The following NRG1 variants were observed in gnomAD, a reference collection of about 807,000 sequenced individuals.
The protein encoded by NRG1 is pro-neuregulin-1, membrane-bound isoform.
NRG1 carries 18 observed loss-of-function variants against 63.8 expected under a neutral mutation model. That is an observed-to-expected ratio of 0.28 (90% CI 0.19 to 0.42). The LOEUF is 0.42. Ranked by LOEUF, NRG1 falls within the 10% of genes least tolerant of loss-of-function variation. The pLI is 1.00. For missense variants in NRG1, 762 were observed against 814.7 expected (o/e 0.94, Z 0.79); for synonymous variants, 302 against 301.3 (o/e 1.00, Z -0.02).
chr8:31,909,887 A>G (rs1832800504), intron 1 of NRG1, among the ~76,000 whole-genome samples: 1 of 152,100 alleles, frequency 6.6e-6, no homozygotes, highest in South Asian at 2.1e-4. Flanking sequence ...TCATCCCTTA[A>G]CGAACCTAAT....
chr8:31,852,392 C>A (rs574885383), intron 1 of NRG1, among the ~76,000 whole-genome samples: 13 of 152,146 alleles, frequency 8.5e-5, no homozygotes, highest in South Asian at 4.2e-4. Flanking sequence ...TGTTTTTTGG[C>A]TGCATAAATG....
chr8:32,205,987 T>C (rs1844022611), intron 1 of NRG1, among the ~76,000 whole-genome samples: 1 of 151,748 alleles, frequency 6.6e-6, no homozygotes, highest in Non-Finnish European at 1.5e-5. Flanking sequence ...GGATGTCTGT[T>C]GTCCAGCTAG....
intron 1 of NRG1, among the ~76,000 whole-genome samples, chr8:32,268,113 A>C (rs1851174513): frequency 6.6e-6 from 1 of 152,176 alleles, no homozygotes; most frequent in Non-Finnish European, 1.5e-5. Flanking sequence ...GGGGAACCCC[A>C]CATGGCAGCC....
chr8:32,013,895 A>T (rs1212530311), intron 1 of NRG1, among the ~76,000 whole-genome samples: 1 of 152,150 alleles, frequency 6.6e-6, no homozygotes, highest in Non-Finnish European at 1.5e-5. Context: ...TGAGAAAGAC[A>T]CAATGCATTG....
At chr8:32,210,615 A>T (rs555093321) in intron 1 of NRG1, among the ~76,000 whole-genome samples, 1 of 152,330 alleles carries the variant, frequency 6.6e-6, no homozygotes, top group South Asian at 2.1e-4. Context: ...AGAAGAAAAG[A>T]TGAACTTCAT....
chr8:32,651,297 A>C (rs1312891321), intron 5 of NRG1, among the ~76,000 whole-genome samples: 1 of 152,154 alleles, frequency 6.6e-6, no homozygotes, highest in Admixed American at 6.5e-5. Context: ...AAAGTATATA[A>C]GTATATATTT....
Position 32,100,533 on chromosome 8 carries a change from C to T in NRG1, c.37+461102C>T, listed in dbSNP as rs550196487. Among the ~76,000 whole-genome samples, 11 of 151,880 alleles carry T rather than the reference C, an allele frequency of 7.2e-5. No homozygotes were observed. The East Asian group carries it at 1.9e-3, about 27-fold the overall frequency. On this transcript the variant is annotated intron_variant, in intron 1 of 10. Coordinates refer to the NRG1 transcript ENST00000519301. ...CAAATTCCATGCTCTTCTCATTATA[C>T]AGCACAATACTTTTTTTTTTTATAA...
At chr8:32,068,099 G>C (rs1030632369) in intron 1 of NRG1, among the ~76,000 whole-genome samples, 1 of 152,156 alleles carries the variant, frequency 6.6e-6, no homozygotes, top group East Asian at 1.9e-4. Context: ...CATGGTTACT[G>C]TATAAAGATC....
chr8:32,028,227 C>A (rs984711789), intron 1 of NRG1, among the ~76,000 whole-genome samples: 5 of 152,042 alleles, frequency 3.3e-5, no homozygotes, highest in Non-Finnish European at 7.4e-5. Flanking sequence ...GTTTTTTTGG[C>A]CTCACTATTC....
At chr8:32,183,111 G>T (rs1173917635) in intron 1 of NRG1, among the ~76,000 whole-genome samples, 1 of 152,166 alleles carries the variant, frequency 6.6e-6, no homozygotes, top group Non-Finnish European at 1.5e-5. Context: ...ACATTCTAGG[G>T]ATTCTAGGCA....
At chr8:31,789,872 T>A (rs1161631244) in intron 1 of NRG1, among the ~76,000 whole-genome samples, 2 of 152,180 alleles carry the variant, frequency 1.3e-5, no homozygotes, top group African/African-American at 4.8e-5. Flanking sequence ...CAGAAAACAC[T>A]TGATAACCAG....
intron 1 of NRG1, among the ~76,000 whole-genome samples, chr8:31,782,667 A>G (rs1191671322): frequency 6.6e-6 from 1 of 152,216 alleles, no homozygotes; most frequent in Non-Finnish European, 1.5e-5. Context: ...ACTCAAGTAC[A>G]GAAAGAACGA....
intron 1 of NRG1, among the ~76,000 whole-genome samples, chr8:31,698,278 A>C (rs1220864461): frequency 6.6e-6 from 1 of 152,224 alleles, no homozygotes; most frequent in Non-Finnish European, 1.5e-5. Context: ...GTTATAAGGC[A>C]GACAAGCTCG....
At chr8:32,702,430 T>C (rs1815160621) in intron 5 of NRG1, among the ~76,000 whole-genome samples, 1 of 152,216 alleles carries the variant, frequency 6.6e-6, no homozygotes, top group Admixed American at 6.5e-5. Flanking sequence ...TTTGTGTTGG[T>C]AGAGATTGGC....
intron 3 of NRG1, among the ~76,000 whole-genome samples, chr8:32,609,615 C>A (rs1316135387): frequency 7.4e-6 from 1 of 134,540 alleles, no homozygotes; most frequent in East Asian, 2.3e-4. Flanking sequence ...TCCTTCCTTC[C>A]TTCCTTTCCC....
intron 5 of NRG1, among the ~76,000 whole-genome samples, chr8:32,636,506 G>A (rs1376568151): frequency 6.6e-6 from 1 of 152,182 alleles, no homozygotes; most frequent in Non-Finnish European, 1.5e-5. Flanking sequence ...ACTGGAAAAG[G>A]TGTGTTCAGA....
At chr8:32,548,805 G>A in exon 1 of NRG1, 1 of 1,576,282 alleles carries the variant, frequency 6.3e-7, no homozygotes, top group South Asian at 1.2e-5. Flanking sequence ...GCCGGAGTCC[G>A]CGGCGGGCAG....
chr8:31,864,183 A>G (rs1375402835), intron 1 of NRG1, among the ~76,000 whole-genome samples: 3 of 152,146 alleles, frequency 2.0e-5, no homozygotes, highest in African/African-American at 7.2e-5. Context: ...TAATTCATGA[A>G]TTCATTCATG....
At chr8:31,740,892 C>T (rs541545872) in intron 1 of NRG1, among the ~76,000 whole-genome samples, 1 of 151,974 alleles carries the variant, frequency 6.6e-6, no homozygotes, top group African/African-American at 2.4e-5. Flanking sequence ...GAAAACAAAT[C>T]GTTTTACCAA....
Sources: allele counts gnomAD v4.1 joint callset (sites outside exome capture counted in the v4.1 genomes callset), GRCh38; gene constraint gnomAD v4.1.1; transcripts MANE v1.5; gene names NCBI Gene and HGNC (gene_info 2026-07-23, HGNC 2026-07-21).